RANBP2: variants seen among roughly 807,000 people sequenced by gnomAD.
The protein encoded by RANBP2 is E3 SUMO-protein ligase RanBP2.
A neutral mutation model predicts 303.6 loss-of-function variants in RANBP2; 57 were observed. The ratio of observed to expected loss-of-function variants is 0.19; its 90% CI spans 0.15 to 0.23. The LOEUF (loss-of-function observed/expected upper bound fraction) is 0.23, where lower values mean the gene tolerates loss of function less well. Ranked by LOEUF, RANBP2 falls within the 10% of genes least tolerant of loss-of-function variation. The pLI is 1.00. For missense variants in RANBP2, 3,138 were observed against 3,780.8 expected (o/e 0.83, Z 4.46); for synonymous variants, 1,167 against 1,301.5 (o/e 0.90, Z 2.23).
chr2:109,675,724 C>T, the RANBP2 span, among the ~76,000 whole-genome samples: 130 of 152,264 alleles, frequency 8.5e-4, 1 homozygote, highest in African/African-American at 3.0e-3. Context: ...AAAAAGAAAC[C>T]GTGGCAACCT....
At chr2:109,127,219 T>C in the RANBP2 span, 2 of 152,310 alleles carry the variant, frequency 1.3e-5, no homozygotes, top group East Asian at 1.9e-4. Flanking sequence ...CATCCTGATA[T>C]AAGCACAGGA....
chr2:108,733,639 A>C (rs1444228747), intron 4 of RANBP2, among the ~76,000 whole-genome samples: 2 of 152,162 alleles, frequency 1.3e-5, no homozygotes, highest in African/African-American at 4.8e-5. Context: ...AATTGTGCAG[A>C]TTTCTTTACT....
At chr2:109,204,075 C>A in the RANBP2 span, among the ~76,000 whole-genome samples, 4 of 152,194 alleles carry the variant, frequency 2.6e-5, no homozygotes, top group Non-Finnish European at 5.9e-5. Context: ...ATTTGCACCT[C>A]CTGCCCACTG....
the RANBP2 span, among the ~76,000 whole-genome samples, chr2:109,492,195 T>C: frequency 4.6e-5 from 7 of 152,202 alleles, no homozygotes; most frequent in African/African-American, 1.7e-4. Context: ...CGTACAATTT[T>C]CGTAGGTCAT....
the RANBP2 span, among the ~76,000 whole-genome samples, chr2:109,017,664 A>T: frequency 6.6e-6 from 1 of 152,054 alleles, no homozygotes; most frequent in African/African-American, 2.4e-5. Flanking sequence ...ATTTATTTTG[A>T]TGGGCAGAGC....
At chr2:109,600,260 G>T in the RANBP2 span, among the ~76,000 whole-genome samples, 1 of 152,000 alleles carries the variant, frequency 6.6e-6, no homozygotes, top group East Asian at 1.9e-4. Context: ...TTTCTCCCCA[G>T]CACCCACATG....
chr2:109,288,056 T>C, the RANBP2 span, among the ~76,000 whole-genome samples: 1 of 152,248 alleles, frequency 6.6e-6, no homozygotes, highest in Non-Finnish European at 1.5e-5. Context: ...GCTGTCCCAT[T>C]GTCACATCAC....
chr2:109,008,398 T>C, the RANBP2 span, among the ~76,000 whole-genome samples: 1 of 152,102 alleles, frequency 6.6e-6, no homozygotes. Context: ...TGTAGCCAAC[T>C]TCCAAATCAC....
the RANBP2 span, among the ~76,000 whole-genome samples, chr2:109,012,736 A>C: frequency 2.6e-5 from 4 of 152,258 alleles, no homozygotes; most frequent in Non-Finnish European, 5.9e-5. Context: ...AACACGGTGA[A>C]ACCCCATCTC....
the RANBP2 span, among the ~76,000 whole-genome samples, chr2:108,966,741 T>G: frequency 6.6e-6 from 1 of 152,242 alleles, no homozygotes; most frequent in African/African-American, 2.4e-5. Context: ...TGAGCCCACA[T>G]GGCCTGCTGG....
the RANBP2 span, among the ~76,000 whole-genome samples, chr2:108,978,168 C>T: frequency 1.3e-5 from 2 of 152,216 alleles, no homozygotes; most frequent in African/African-American, 2.4e-5. Flanking sequence ...AGTACAGGGC[C>T]TGCTGAGCTA....
At chr2:108,780,359 ATTTT>A (rs869269194) in intron 25 of RANBP2, among the ~76,000 whole-genome samples, 2 of 111,738 alleles carry the variant, frequency 1.8e-5, no homozygotes, top group East Asian at 2.5e-4. Context: ...CGCCCGGCTA[ATTTT>A]TTTTTTTTTT....
chr2:109,094,934 G>A, the RANBP2 span, among the ~76,000 whole-genome samples: 1 of 152,162 alleles, frequency 6.6e-6, no homozygotes. Flanking sequence ...AATGTATTTT[G>A]TTCACGTGAC....
chr2:109,659,378 A>C, the RANBP2 span, among the ~76,000 whole-genome samples: 7 of 152,186 alleles, frequency 4.6e-5, no homozygotes, highest in Non-Finnish European at 8.8e-5. Context: ...CCCCCCCAAA[A>C]ACACACACAA....
chr2:109,173,326 C>T, the RANBP2 span, among the ~76,000 whole-genome samples: 1 of 152,156 alleles, frequency 6.6e-6, no homozygotes, highest in African/African-American at 2.4e-5. Flanking sequence ...GACTCTCCTT[C>T]CTGTGCTCTG....
the RANBP2 span, among the ~76,000 whole-genome samples, chr2:108,907,563 G>A: frequency 6.6e-6 from 1 of 151,802 alleles, no homozygotes; most frequent in African/African-American, 2.4e-5. Context: ...CAGGAGAATT[G>A]CTTGAACCCA....
chr2:109,039,231 T>C, the RANBP2 span, among the ~76,000 whole-genome samples: 3 of 152,242 alleles, frequency 2.0e-5, no homozygotes, highest in Non-Finnish European at 4.4e-5. Context: ...CTGGTCTTTC[T>C]TGTGGATTTC....
At chr2:109,012,728 C>A in the RANBP2 span, among the ~76,000 whole-genome samples, 2 of 152,142 alleles carry the variant, frequency 1.3e-5, no homozygotes, top group African/African-American at 4.8e-5. Context: ...TCCTGGCCAA[C>A]ACGGTGAAAC....
At chr2:109,576,497 A>T in the RANBP2 span, among the ~76,000 whole-genome samples, 1 of 152,198 alleles carries the variant, frequency 6.6e-6, no homozygotes, top group Non-Finnish European at 1.5e-5. Flanking sequence ...AGTGATTATT[A>T]TAACAACAGT....
Sources: gnomAD v4.1 joint callset for allele counts (sites outside exome capture counted in the v4.1 genomes callset) on GRCh38, gnomAD v4.1.1 for gene constraint, MANE v1.5 for transcripts, NCBI Gene and HGNC (gene_info 2026-07-23, HGNC 2026-07-21) for gene names.